The following TTC13 variants were observed in gnomAD, a reference collection of about 807,000 sequenced individuals.
TTC13 encodes tetratricopeptide repeat domain 13, also known as tetratricopeptide repeat protein 13.
A neutral mutation model predicts 120.0 loss-of-function variants in TTC13; 62 were observed. That is an observed-to-expected ratio of 0.52 (90% CI 0.42 to 0.64). TTC13 has a LOEUF of 0.64. TTC13 is among the 30% of genes least tolerant of loss of function. The probability of loss-of-function intolerance (pLI) is 0.00; values close to 1 mark genes in which losing one functional copy is unlikely to be tolerated. For synonymous variants in TTC13, 384 were observed against 393.5 expected, an observed-to-expected ratio of 0.98 and a Z score of 0.28; for missense variants, 824 against 1,050.2, an observed-to-expected ratio of 0.78 and a Z score of 2.98.
intron 8 of TTC13, among the ~76,000 whole-genome samples, chr1:230,938,408 T>C (rs919968886): frequency 1.3e-5 from 2 of 152,168 alleles, no homozygotes; most frequent in African/African-American, 4.8e-5. Flanking sequence ...TCACAAGCCT[T>C]CTCACAGTGG....
At chr1:230,915,806 T>G (rs183196335) in intron 18 of TTC13, among the ~76,000 whole-genome samples, 211 of 152,158 alleles carry the variant, frequency 1.4e-3, no homozygotes, top group African/African-American at 5.0e-3. Flanking sequence ...TCTATATATA[T>G]ATAGATTGGC....
At position 230,931,819 on chromosome 1, in the gene TTC13, G is replaced by C; in HGVS notation, c.1042C>G (p.Gln348Glu). 1 of 1,614,140 alleles carries C rather than the reference G, an allele frequency of 6.2e-7. No homozygotes were observed. Among genetic ancestry groups the C allele is most frequent in the Non-Finnish European group, 8.5e-7 (1 of 1,180,020 alleles). The change falls in exon 10 of 23, where the codon CAA becomes GAA. Residue 348 changes from glutamine (Q) to glutamate (E), a missense_variant. Gln to Glu is a conservative substitution (Grantham distance 29). Transcript: ENST00000366661. ...AGCTGGAGGGTTTGCACATGATTTT[G>C]GTTGAGCAACAGTGCCTTTTGAAAG... ...ESFQKALLLN[Q>E]NHVQTLQLRG...
At chr1:230,953,572 G>T (rs1241925158) in intron 4 of TTC13, among the ~76,000 whole-genome samples, 1 of 152,124 alleles carries the variant, frequency 6.6e-6, no homozygotes, top group African/African-American at 2.4e-5. Context: ...CCATAACTCA[G>T]GAGTTTAAAT....
chr1:230,934,664 C>G (rs916309715), intron 8 of TTC13, among the ~76,000 whole-genome samples: 3 of 152,166 alleles, frequency 2.0e-5, no homozygotes, highest in Non-Finnish European at 4.4e-5. Flanking sequence ...GACTTATACA[C>G]TGCAATAAAA....
chr1:230,917,490 GACCTGGT>G (rs1474446258), intron 17 of TTC13, among the ~76,000 whole-genome samples: 1 of 152,174 alleles, frequency 6.6e-6, no homozygotes, highest in Non-Finnish European at 1.5e-5. Flanking sequence ...AGTGGAAGTT[GACCTGGT>G]ACATTCCACT....
At chr1:230,923,213 T>C (rs1672753136) in intron 15 of TTC13, among the ~76,000 whole-genome samples, 1 of 152,148 alleles carries the variant, frequency 6.6e-6, no homozygotes. Context: ...GAAACTGATA[T>C]CCTTTAATAT....
At chr1:230,923,785 T>C in intron 15 of TTC13, 56 bp downstream of exon 15, 2 of 1,463,000 alleles carry the variant, frequency 1.4e-6, no homozygotes, top group Non-Finnish European at 1.9e-6. Flanking sequence ...CTCCATGGCC[T>C]GTGTCTTGAG....
intron 1 of TTC13, among the ~76,000 whole-genome samples, chr1:230,963,517 TCCCAGCTA>T (rs1676835746): frequency 6.6e-6 from 1 of 151,930 alleles, no homozygotes. Flanking sequence ...ATGCCTGTAG[TCCCAGCTA>T]CCCAGAGGCT....
Position 230,970,516 on chromosome 1 carries a change from C to T in TTC13, c.271+8044G>A, listed in dbSNP as rs146628624. Reference sequence around the variant, plus strand: ...AGAGAGCTGAACTAGGCAGAGGCACCGGCCACTCATCCACCACAACAGGAC... The same window carrying T: ...AGAGAGCTGAACTAGGCAGAGGCACTGGCCACTCATCCACCACAACAGGAC... On this transcript the variant is annotated intron_variant, in intron 1 of 22. Transcript: ENST00000366661. Among the ~76,000 whole-genome samples the T allele has an allele frequency of 3.1e-3, 469 of 152,244 alleles. 2 individuals carry two copies. The highest frequency in any genetic ancestry group is 0.011 in the African/African-American group (450 of 41,544).
chr1:230,958,316 A>AC lies in TTC13; in HGVS notation c.367-18_367-17insG, dbSNP rs1558213865. On this transcript the variant is annotated splice_polypyrimidine_tract_variant and intron_variant, in intron 2 of 22. Coordinates refer to ENST00000366661, the MANE Select transcript of TTC13 (RefSeq NM_024525.5). ...GGCCTGGCTCTGGGAAAAAAAAAAA[A>AC]AAAACCCATACATTTTAGCTATCAC... 1 of 1,585,170 alleles carries AC rather than the reference A, an allele frequency of 6.3e-7. No homozygotes were observed. Among genetic ancestry groups the AC allele is most frequent in the Non-Finnish European group, 8.5e-7 (1 of 1,173,206 alleles).
chr1:230,975,516 A>T (rs966450890), intron 1 of TTC13, among the ~76,000 whole-genome samples: 4 of 152,234 alleles, frequency 2.6e-5, no homozygotes, highest in Non-Finnish European at 4.4e-5. Context: ...CGACAGTTAC[A>T]AATTAAAGAT....
At chr1:230,961,348 G>C (rs1039498598) in intron 1 of TTC13, 45 bp from the exon 2 acceptor site, 1 of 1,346,958 alleles carries the variant, frequency 7.4e-7, no homozygotes, top group South Asian at 1.2e-5. Context: ...CTTAATTTAT[G>C]CTCTTAGGTG....
In TTC13 at chr1:230,912,603, G is replaced by A. The variant is rs779392529; in HGVS notation, c.2229+20C>T. On this transcript the variant is annotated intron_variant, in intron 19 of 22. Transcript: ENST00000366661. Reference sequence around the variant, plus strand: ...AGAATCATAGGAAGAGCAGAAAAATGGAAACAAAGAGAAACCTACCCCAAA... The same window carrying A: ...AGAATCATAGGAAGAGCAGAAAAATAGAAACAAAGAGAAACCTACCCCAAA... The A allele has an allele frequency of 6.2e-7, 1 of 1,605,726 alleles. No individual in the cohort carries two copies. Among genetic ancestry groups the A allele is most frequent in the East Asian group, 2.2e-5 (1 of 44,614 alleles).
At chr1:230,914,839 G>T (rs995045709) in intron 18 of TTC13, among the ~76,000 whole-genome samples, 14 of 152,020 alleles carry the variant, frequency 9.2e-5, no homozygotes, top group African/African-American at 1.2e-4. Flanking sequence ...TAAGTTTTGG[G>T]GTAGTCAAAG....
intron 15 of TTC13, among the ~76,000 whole-genome samples, chr1:230,923,455 A>G (rs1183683840): frequency 6.6e-6 from 1 of 151,940 alleles, no homozygotes; most frequent in Admixed American, 6.6e-5. Flanking sequence ...CTCCACCACG[A>G]GAGACTTGTC....
At chr1:230,945,605 A>G in intron 4 of TTC13, 151 bp from the exon 5 acceptor site, 1 of 712,566 alleles carries the variant, frequency 1.4e-6, no homozygotes, top group African/African-American at 1.8e-5. Flanking sequence ...CTCCAACCTG[A>G]AAAGTCTATG....
At position 230,978,217 on chromosome 1, in the gene TTC13, G is replaced by A. The variant is rs61828273; in HGVS notation, c.271+343C>T. Among the ~76,000 whole-genome samples the A allele has an allele frequency of 0.1, 15,227 of 152,134 alleles. 803 individuals are homozygous for A. Among genetic ancestry groups the A allele is most frequent in the South Asian group, 0.17 (833 of 4,816 alleles). ...GCCCCTTCGGCATCCTCGGGAGGCCGGCGGCGGGAACAGGGCTGCCCCGGG... is the reference window on the plus strand; with the variant it reads ...GCCCCTTCGGCATCCTCGGGAGGCCAGCGGCGGGAACAGGGCTGCCCCGGG... On this transcript the variant is annotated intron_variant, in intron 1 of 22. Transcript: ENST00000366661. This position sits in a 1 kb window ranked among gnomAD's most constrained non-coding sequence, Gnocchi z 5.6.
Position 230,911,588 on chromosome 1 carries a change from A to G in TTC13, c.2230-39T>C, listed in dbSNP as rs1228805831. The G allele has an allele frequency of 4.4e-6, 6 of 1,355,630 alleles. No individual in the cohort carries two copies. In the Admixed American group the frequency reaches 1.4e-4, roughly 31 times the overall value. 84.0% of individuals were successfully genotyped at this position (1,355,630 alleles called of 1,614,324 possible). ...ATACAGACTCATAAATACTATAAAG[A>G]TTACAAACTAATTTTTCATTAGGTG... On this transcript the variant is annotated intron_variant, in intron 19 of 22. Transcript: ENST00000366661.
intron 12 of TTC13, 135 bp downstream of exon 12, chr1:230,928,802 T>C (rs1673272507): frequency 5.1e-6 from 4 of 786,570 alleles, no homozygotes; most frequent in African/African-American, 1.8e-5. Flanking sequence ...AAGGATAGTA[T>C]GCTTGATTGA....
Sources: allele counts gnomAD v4.1 joint callset (sites outside exome capture counted in the v4.1 genomes callset), GRCh38; gene constraint gnomAD v4.1.1; non-coding constraint Gnocchi (gnomAD v3.1); transcripts MANE v1.5; gene names NCBI Gene and HGNC (gene_info 2026-07-23, HGNC 2026-07-21).